Variants in CDH13 observed in about 807,000 individuals in gnomAD.
CDH13 encodes cadherin-13.
CDH13 carries 24 observed loss-of-function variants against 63.8 expected under a neutral mutation model. That is an observed-to-expected ratio of 0.38 (90% CI 0.27 to 0.53). The LOEUF (loss-of-function observed/expected upper bound fraction) is 0.53, where lower values mean the gene tolerates loss of function less well. Among genes scored for constraint, CDH13 ranks in the 20% least tolerant of loss-of-function variants. The pLI is 0.85. For synonymous variants in CDH13, 503 were observed against 355.3 expected (o/e 1.42, Z -4.67); for missense variants, 1,049 against 903.1 (o/e 1.16, Z -2.07).
rs531321632 is a variant in CDH13 at position 83,116,641 on chromosome 16, A to G, written c.367-8744A>G. Among the ~76,000 whole-genome samples the G allele has an allele frequency of 3.6e-4, 55 of 152,330 alleles. 3 individuals are homozygous for G. In the South Asian group the frequency reaches 0.011, roughly 30 times the overall value. ...CTGTGGTAAAGTGGGAATGACTGCT[A>G]ATGGGCATGAGGTTTCATTTAAGGG... On this transcript the variant is annotated intron_variant, in intron 3 of 13. Transcript: ENST00000567109.
chr16:83,261,321 G>A (rs952098372), intron 5 of CDH13, among the ~76,000 whole-genome samples: 2 of 152,146 alleles, frequency 1.3e-5, no homozygotes, highest in African/African-American at 2.4e-5. Context: ...TCATCCCCTC[G>A]ATAAGCCAGC....
intron 7 of CDH13, among the ~76,000 whole-genome samples, chr16:83,533,168 C>A: frequency 6.6e-6 from 1 of 152,160 alleles, no homozygotes; most frequent in Admixed American, 6.5e-5. Context: ...TGCCAGAGGA[C>A]CAGCAGATGC....
chr16:82,927,759 C>A (rs1241905751), intron 2 of CDH13, among the ~76,000 whole-genome samples: 3 of 152,198 alleles, frequency 2.0e-5, no homozygotes, highest in Non-Finnish European at 4.4e-5. Context: ...GTGTTACTCA[C>A]CGCTCAGTCC....
At chr16:82,754,740 C>A (rs2151074547) in intron 1 of CDH13, among the ~76,000 whole-genome samples, 1 of 152,278 alleles carries the variant, frequency 6.6e-6, no homozygotes. Flanking sequence ...CTTGACAGGA[C>A]TTTGCTATCT....
intron 1 of CDH13, among the ~76,000 whole-genome samples, chr16:82,695,366 G>C (rs556539090): frequency 1.4e-4 from 22 of 152,298 alleles, no homozygotes; most frequent in African/African-American, 4.3e-4. Context: ...CTCAGGACTT[G>C]GTTGCCCAGA....
chr16:83,449,974 G>A (rs1324514575), intron 6 of CDH13, among the ~76,000 whole-genome samples: 7 of 152,136 alleles, frequency 4.6e-5, no homozygotes, highest in South Asian at 2.1e-4. Flanking sequence ...CTGAATCACC[G>A]GTCTTCGCTA....
chr16:83,567,437 T>A (rs1457099002), intron 7 of CDH13, among the ~76,000 whole-genome samples: 1 of 152,168 alleles, frequency 6.6e-6, no homozygotes, highest in Non-Finnish European at 1.5e-5. Context: ...GCAGGGAAAC[T>A]GAGTCACAAG....
intron 2 of CDH13, among the ~76,000 whole-genome samples, chr16:83,028,639 A>G (rs1916036268): frequency 6.6e-6 from 1 of 152,242 alleles, no homozygotes. Context: ...TAGCTATGTT[A>G]AAGTTTAATT....
chr16:83,210,757 G>C lies in CDH13; in HGVS notation c.484-6588G>C, dbSNP rs547030306. Among the ~76,000 whole-genome samples the C allele has an allele frequency of 7.9e-5, 12 of 151,770 alleles. No individual in the cohort carries two copies. The South Asian group carries it at 2.5e-3, about 32-fold the overall frequency. ...ACCGATTAAAGTGCAATTCAAGAAA[G>C]TGAGAACCTACAGGGAAGTACCAAA... On this transcript the variant is annotated intron_variant, in intron 4 of 13. Transcript: ENST00000567109.
At chr16:83,209,186 A>C (rs1393925638) in intron 4 of CDH13, among the ~76,000 whole-genome samples, 1 of 152,184 alleles carries the variant, frequency 6.6e-6, no homozygotes, top group African/African-American at 2.4e-5. Context: ...AAAGGCATGC[A>C]GTTTATATAG....
chr16:83,005,502 C>A (rs7200601), intron 2 of CDH13, among the ~76,000 whole-genome samples: 41,641 of 151,880 alleles, frequency 0.27, 6,020 homozygotes, highest in Non-Finnish European at 0.33. Flanking sequence ...CAACCTCAGG[C>A]CTTCAGATGC....
chr16:83,712,569 G>T (rs1309889190), intron 10 of CDH13, among the ~76,000 whole-genome samples: 2 of 152,192 alleles, frequency 1.3e-5, no homozygotes, highest in Non-Finnish European at 2.9e-5. Flanking sequence ...ACCCCTCAAG[G>T]TCTGGAGAAG....
At chr16:83,000,585 T>G (rs1912808510) in intron 2 of CDH13, among the ~76,000 whole-genome samples, 2 of 149,760 alleles carry the variant, frequency 1.3e-5, no homozygotes, top group South Asian at 4.3e-4. Context: ...TTTTTTTTTT[T>G]TTTTTGTTTT....
At chr16:82,839,209 T>C (rs2113137) in intron 1 of CDH13, among the ~76,000 whole-genome samples, 39,840 of 152,102 alleles carry the variant, frequency 0.26, 5,533 homozygotes, top group Middle Eastern at 0.33. Flanking sequence ...GGGGTTACAG[T>C]TCTTCTCAGG....
chr16:83,475,503 G>A (rs73603821), intron 6 of CDH13, among the ~76,000 whole-genome samples: 1,777 of 152,298 alleles, frequency 0.012, 29 homozygotes, highest in African/African-American at 0.041. Context: ...TTAACTTTAT[G>A]TGCTAAGCCA....
intron 8 of CDH13, among the ~76,000 whole-genome samples, chr16:83,656,736 C>T (rs548711770): frequency 2.6e-5 from 4 of 152,216 alleles, no homozygotes; most frequent in African/African-American, 9.7e-5. Flanking sequence ...GCCACTCTCC[C>T]CTACAGTTTT....
intron 8 of CDH13, among the ~76,000 whole-genome samples, chr16:83,621,416 T>A (rs1909801312): frequency 6.7e-6 from 1 of 148,268 alleles, no homozygotes; most frequent in Non-Finnish European, 1.5e-5. Context: ...CGTTTTCCAC[T>A]CTGCTTGAAC....
intron 7 of CDH13, among the ~76,000 whole-genome samples, chr16:83,591,111 A>C (rs1906702221): frequency 6.6e-6 from 1 of 151,834 alleles, no homozygotes; most frequent in Non-Finnish European, 1.5e-5. Context: ...GGGGTTCACC[A>C]GGTTGGCCAT....
chr16:83,681,297 G>C (rs1567511648), intron 10 of CDH13, among the ~76,000 whole-genome samples: 1 of 152,176 alleles, frequency 6.6e-6, no homozygotes. Flanking sequence ...ACAGAAAATA[G>C]AGCTGCAGTG....
Sources: allele counts gnomAD v4.1 joint callset (sites outside exome capture counted in the v4.1 genomes callset), GRCh38; gene constraint gnomAD v4.1.1; transcripts MANE v1.5; gene names NCBI Gene and HGNC (gene_info 2026-07-23, HGNC 2026-07-21).